Variants in SENP7 observed in about 807,000 individuals in gnomAD.
SENP7 encodes the protein sentrin-specific protease 7.
SENP7 carries 64 observed loss-of-function variants against 141.2 expected under a neutral mutation model. The ratio of observed to expected loss-of-function variants is 0.45; its 90% CI spans 0.37 to 0.56. The LOEUF is 0.56. Among genes scored for constraint, SENP7 ranks in the 20% least tolerant of loss-of-function variants. SENP7 has a pLI of 0.00. For synonymous variants in SENP7, 382 were observed against 426.4 expected, an observed-to-expected ratio of 0.90 and a Z score of 1.28; for missense variants, 1,025 against 1,212.2, an observed-to-expected ratio of 0.85 and a Z score of 2.29.
chr3:101,382,870 G>T (rs1273495992), intron 6 of SENP7, among the ~76,000 whole-genome samples: 1 of 152,078 alleles, frequency 6.6e-6, no homozygotes, highest in African/African-American at 2.4e-5. Flanking sequence ...CTATATCAAA[G>T]ATACTATAAA....
chr3:101,331,694 G>A (rs1411276548), intron 19 of SENP7, among the ~76,000 whole-genome samples: 1 of 151,976 alleles, frequency 6.6e-6, no homozygotes, highest in Non-Finnish European at 1.5e-5. Flanking sequence ...CTTAATCCAG[G>A]TGAAACAGGT....
At position 101,361,852 on chromosome 3, in the gene SENP7, C is replaced by A. The variant is rs1235701314; in HGVS notation, c.1486G>T (p.Glu496Ter). 6.3e-7 allele frequency: 1 copy of A among 1,595,478 alleles called. No homozygotes were observed. The highest frequency in any genetic ancestry group is 1.2e-5 in the South Asian group (1 of 86,274). ...ITCESVQMSS[E>*]LCPYNPVMEN... Reference sequence around the variant, plus strand: ...ATGACAGGATTATATGGGCATAATTCAGATGACATCTAACAAGGAATAAAT... The same window carrying A: ...ATGACAGGATTATATGGGCATAATTAAGATGACATCTAACAAGGAATAAAT... The change falls in exon 11 of 24, where the codon GAA (glutamate) becomes TAA (stop). Residue 496 changes from glutamate (E) to a stop codon, truncating the protein, a stop_gained. Coordinates refer to ENST00000394095, the MANE Select transcript of SENP7 (RefSeq NM_020654.5). LOFTEE classifies it high-confidence loss of function.
In SENP7 at chr3:101,463,378, T is replaced by A. The variant is rs4640535; in HGVS notation, c.187-4326A>T. Reference sequence around the variant, plus strand: ...ATAAATAAATAAATATATATATATATATATATATATATATATATACATATA... The same window carrying A: ...ATAAATAAATAAATATATATATATAAATATATATATATATATATACATATA... On this transcript the variant is annotated intron_variant, in intron 3 of 23. Transcript: ENST00000394095. Among the ~76,000 whole-genome samples, 376 of 84,386 alleles carry A rather than the reference T, an allele frequency of 4.5e-3. 5 individuals are homozygous for A. Among genetic ancestry groups the A allele is most frequent in the African/African-American group, 0.017 (326 of 18,920 alleles). 55.4% of individuals were successfully genotyped at this position (84,386 alleles called of 152,430 possible).
At chr3:101,353,979 C>T (rs2059674524) in intron 11 of SENP7, among the ~76,000 whole-genome samples, 1 of 151,924 alleles carries the variant, frequency 6.6e-6, no homozygotes, top group African/African-American at 2.4e-5. Context: ...TCTTTAATTT[C>T]TGTTACAGTG....
chr3:101,459,966 A>G (rs1360832668), intron 3 of SENP7, among the ~76,000 whole-genome samples: 1 of 152,218 alleles, frequency 6.6e-6, no homozygotes, highest in African/African-American at 2.4e-5. Context: ...AAAATACTCA[A>G]TAATAAATTT....
chr3:101,325,660 T>G lies in SENP7; in HGVS notation c.*283A>C, dbSNP rs2058881341. On this transcript the variant is annotated 3_prime_UTR_variant, in exon 24 of 24. Coordinates refer to ENST00000394095, the MANE Select transcript of SENP7 (RefSeq NM_020654.5). ...CTACAAAACATTCCCATATTACATA[T>G]GCTGTTGCATAATCCAATCATATTT... is the stretch of plus-strand genomic sequence containing the variant. 5.7e-6 allele frequency: 1 copy of G among 176,104 alleles called. No homozygotes were observed. The highest frequency in any genetic ancestry group is 1.2e-5 in the Non-Finnish European group (1 of 84,198). 10.9% of individuals were successfully genotyped at this position (176,104 alleles called of 1,614,324 possible).
At chr3:101,427,082 A>C (rs2061985719) in intron 4 of SENP7, among the ~76,000 whole-genome samples, 1 of 152,208 alleles carries the variant, frequency 6.6e-6, no homozygotes, top group Non-Finnish European at 1.5e-5. Context: ...ATCAATGCAA[A>C]AGTCCTCAAC....
At position 101,367,898 on chromosome 3, in the gene SENP7, T is replaced by TC; in HGVS notation, c.909dup (p.Arg304GlufsTer4). 6.2e-7 allele frequency: 1 copy of TC among 1,611,636 alleles called. No individual in the cohort carries two copies. The highest frequency in any genetic ancestry group is 8.5e-7 in the Non-Finnish European group (1 of 1,178,026). On this transcript the variant is annotated frameshift_variant, in exon 8 of 24. Coordinates refer to ENST00000394095, the MANE Select transcript of SENP7 (RefSeq NM_020654.5). LOFTEE classifies it high-confidence loss of function. ...TCAGGTAAATTATTTCTAAGCCTTCTCTTTGTCTTCCTGGAAATCAGAGTG... is the reference window on the plus strand; with the variant it reads ...TCAGGTAAATTATTTCTAAGCCTTCTCCTTTGTCTTCCTGGAAATCAGAGTG...
intron 4 of SENP7, among the ~76,000 whole-genome samples, chr3:101,422,998 T>TG (rs1366226533): frequency 6.6e-6 from 1 of 152,146 alleles, no homozygotes; most frequent in Non-Finnish European, 1.5e-5. Flanking sequence ...CCCTCAGACT[T>TG]GGAGTCCTAC....
At chr3:101,433,292 T>A (rs2062252888) in intron 4 of SENP7, among the ~76,000 whole-genome samples, 1 of 115,526 alleles carries the variant, frequency 8.7e-6, no homozygotes, top group Non-Finnish European at 1.8e-5. Context: ...TTAAACCAAA[T>A]CATATTAAAA....
chr3:101,436,865 T>C (rs144881012), intron 4 of SENP7, among the ~76,000 whole-genome samples: 71 of 152,318 alleles, frequency 4.7e-4, no homozygotes, highest in Non-Finnish European at 7.6e-4. Context: ...GGAAAACACG[T>C]TGGAGGTTCC....
chr3:101,474,832 T>C (rs1214773957), intron 3 of SENP7, among the ~76,000 whole-genome samples: 4 of 152,132 alleles, frequency 2.6e-5, no homozygotes, highest in Non-Finnish European at 1.5e-5. Flanking sequence ...ACATGGTTCT[T>C]ATTATTTTGA....
intron 13 of SENP7, among the ~76,000 whole-genome samples, chr3:101,345,374 CTA>C (rs2059431083): frequency 1.3e-5 from 2 of 152,134 alleles, no homozygotes; most frequent in African/African-American, 4.8e-5. Context: ...TTTGTGTTGT[CTA>C]TGATTTCTTT....
chr3:101,346,208 C>T (rs1045175941), intron 13 of SENP7, among the ~76,000 whole-genome samples: 7 of 152,036 alleles, frequency 4.6e-5, no homozygotes, highest in Admixed American at 6.6e-5. Flanking sequence ...AACCACAATG[C>T]GATACCACCT....
intron 9 of SENP7, among the ~76,000 whole-genome samples, chr3:101,365,664 T>C (rs1021329834): frequency 4.6e-5 from 7 of 150,618 alleles, no homozygotes; most frequent in African/African-American, 1.7e-4. Flanking sequence ...AAAAGAACTT[T>C]CTAATTAATG....
Position 101,357,879 on chromosome 3 carries a change from C to T in SENP7, c.1623+3836G>A, listed in dbSNP as rs1406412419. 5 of 558,958 alleles carry T rather than the reference C, an allele frequency of 8.9e-6. No homozygotes were observed. The Admixed American group carries it at 1.0e-4, about 11-fold the overall frequency. 34.6% of individuals were successfully genotyped at this position (558,958 alleles called of 1,614,324 possible). On this transcript the variant is annotated intron_variant, in intron 11 of 23. Coordinates refer to ENST00000394095, the MANE Select transcript of SENP7 (RefSeq NM_020654.5). ...AGAATCTGGCAAAGCCTTTAAGCTG[C>T]CTCTAACCTTACTACACATAAGATA...
At chr3:101,400,751 T>C (rs2061112957) in intron 5 of SENP7, among the ~76,000 whole-genome samples, 1 of 151,472 alleles carries the variant, frequency 6.6e-6, no homozygotes, top group Admixed American at 6.6e-5. Flanking sequence ...TACCATGGCC[T>C]CTAAATATTC....
intron 3 of SENP7, among the ~76,000 whole-genome samples, chr3:101,492,040 C>T (rs1217414156): frequency 2.0e-5 from 3 of 151,774 alleles, no homozygotes; most frequent in Non-Finnish European, 4.4e-5. Flanking sequence ...TGCGGTGAGC[C>T]GAGATCGCGA....
At chr3:101,360,813 A>G (rs6763800) in intron 11 of SENP7, among the ~76,000 whole-genome samples, 61,413 of 152,054 alleles carry the variant, frequency 0.4, 12,850 homozygotes, top group Admixed American at 0.54. Context: ...AATTCCGTCT[A>G]AAAAGGAGGG....
Sources: allele counts gnomAD v4.1 joint callset (sites outside exome capture counted in the v4.1 genomes callset), GRCh38; gene constraint gnomAD v4.1.1; transcripts MANE v1.5; gene names NCBI Gene and HGNC (gene_info 2026-07-23, HGNC 2026-07-21).